Variants in FGF12 observed in about 807,000 individuals in gnomAD.
FGF12 encodes the protein fibroblast growth factor 12, also known as fibroblast growth factor 12B.
A neutral mutation model predicts 23.6 loss-of-function variants in FGF12; 14 were observed. The ratio of observed to expected loss-of-function variants is 0.59; its 90% CI spans 0.39 to 0.93. FGF12 has a LOEUF of 0.93. Ranked by LOEUF, FGF12 falls within the 40% of genes least tolerant of loss-of-function variation. FGF12 has a pLI of 0.00. For missense variants in FGF12, 175 were observed against 217.8 expected, an observed-to-expected ratio of 0.80 and a Z score of 1.24; for synonymous variants, 62 against 77.3, an observed-to-expected ratio of 0.80 and a Z score of 1.04.
intron 2 of FGF12, among the ~76,000 whole-genome samples, chr3:192,397,737 C>G (rs1232727582): frequency 6.6e-6 from 1 of 152,116 alleles, no homozygotes; most frequent in African/African-American, 2.4e-5. Context: ...GTGTAGACAG[C>G]TAGAGCTATT....
intron 4 of FGF12, among the ~76,000 whole-genome samples, chr3:192,329,988 T>C (rs1337649493): frequency 6.6e-6 from 1 of 152,198 alleles, no homozygotes; most frequent in Non-Finnish European, 1.5e-5. Context: ...TGTTATTTAA[T>C]ACCATTAAAA....
At chr3:192,637,190 C>T (rs1215711075) in intron 2 of FGF12, among the ~76,000 whole-genome samples, 1 of 152,188 alleles carries the variant, frequency 6.6e-6, no homozygotes, top group Non-Finnish European at 1.5e-5. Context: ...TTTATAATGA[C>T]ACTTCAGTGA....
intron 2 of FGF12, among the ~76,000 whole-genome samples, chr3:192,455,161 G>T (rs1003243599): frequency 6.6e-5 from 10 of 152,156 alleles, no homozygotes; most frequent in South Asian, 2.1e-4. Context: ...TTGGAAAGAA[G>T]AATAATATGA....
intron 2 of FGF12, among the ~76,000 whole-genome samples, chr3:192,616,475 A>G (rs1714758369): frequency 6.6e-6 from 1 of 152,056 alleles, no homozygotes. Flanking sequence ...TGTTTTTAAC[A>G]TCCAATAATT....
At chr3:192,674,685 A>T (rs530133947) in intron 2 of FGF12, among the ~76,000 whole-genome samples, 1 of 152,350 alleles carries the variant, frequency 6.6e-6, no homozygotes, top group South Asian at 2.1e-4. Flanking sequence ...AAAAATTCTC[A>T]AAGGTGAAAA....
At position 192,331,162 on chromosome 3, in the gene FGF12, A is replaced by C. The variant is rs191217288; in HGVS notation, c.228+4199T>G. 3.3e-5 allele frequency among the ~76,000 whole-genome samples: 5 copies of C among 152,252 alleles called. No individual in the cohort carries two copies. In the East Asian group the frequency reaches 7.7e-4, roughly 23 times the overall value. On this transcript the variant is annotated intron_variant, in intron 4 of 5. Transcript: ENST00000445105. ...AATGCAAATCAAAACAAAATGGGTT[A>C]TCATCTCACACCTGTTAGGATGGCC... is the stretch of plus-strand genomic sequence containing the variant.
At chr3:192,152,415 A>G (rs1185113527) in intron 5 of FGF12, among the ~76,000 whole-genome samples, 2 of 120,894 alleles carry the variant, frequency 1.7e-5, no homozygotes, top group African/African-American at 3.2e-5. Context: ...TAGGGTGTCA[A>G]TTTTGGATCT....
intron 2 of FGF12, among the ~76,000 whole-genome samples, chr3:192,684,420 G>A (rs1348526079): frequency 6.6e-6 from 1 of 151,994 alleles, no homozygotes; most frequent in African/African-American, 2.4e-5. Flanking sequence ...ACTGATCAGG[G>A]TTTGTTTTTT....
intron 3 of FGF12, among the ~76,000 whole-genome samples, chr3:192,350,653 A>T (rs1718177375): frequency 6.6e-6 from 1 of 152,154 alleles, no homozygotes; most frequent in African/African-American, 2.4e-5. Flanking sequence ...TTCAGGCAAG[A>T]ACATGGTTGG....
chr3:192,343,231 A>G (rs1717786315), intron 3 of FGF12, among the ~76,000 whole-genome samples: 1 of 152,180 alleles, frequency 6.6e-6, no homozygotes, highest in African/African-American at 2.4e-5. Flanking sequence ...CCCATGTGGA[A>G]CATACTGAGA....
At chr3:192,523,069 G>A (rs1332616330) in intron 2 of FGF12, among the ~76,000 whole-genome samples, 1 of 152,070 alleles carries the variant, frequency 6.6e-6, no homozygotes, top group Non-Finnish European at 1.5e-5. Flanking sequence ...ACAAAAATCA[G>A]TTATATAAAT....
intron 2 of FGF12, among the ~76,000 whole-genome samples, chr3:192,509,855 A>G (rs575131215): frequency 3.3e-5 from 5 of 152,224 alleles, no homozygotes; most frequent in Non-Finnish European, 7.3e-5. Context: ...AGGCTTCAAC[A>G]TAGCTCAGTA....
chr3:192,228,478 T>A (rs1163379477), intron 4 of FGF12, among the ~76,000 whole-genome samples: 1 of 152,112 alleles, frequency 6.6e-6, no homozygotes, highest in Non-Finnish European at 1.5e-5. Flanking sequence ...ACAACAGTGT[T>A]TTATCTATGT....
intron 4 of FGF12, among the ~76,000 whole-genome samples, chr3:192,242,727 C>G (rs1009917812): frequency 4.6e-5 from 7 of 151,900 alleles, no homozygotes; most frequent in African/African-American, 1.7e-4. Context: ...AAGTTAAAAC[C>G]AGTCCTTACT....
intron 2 of FGF12, among the ~76,000 whole-genome samples, chr3:192,421,317 G>A (rs1290669658): frequency 6.6e-6 from 1 of 151,918 alleles, no homozygotes; most frequent in African/African-American, 2.4e-5. Flanking sequence ...GATTACTTTT[G>A]GAAGGGTTCT....
intron 2 of FGF12, among the ~76,000 whole-genome samples, chr3:192,555,296 G>T (rs1711713583): frequency 6.6e-6 from 1 of 152,162 alleles, no homozygotes; most frequent in South Asian, 2.1e-4. Context: ...CAGCAAAAGA[G>T]AAAGTGACTT....
chr3:192,407,853 G>T (rs1721026803), intron 2 of FGF12, among the ~76,000 whole-genome samples: 1 of 152,218 alleles, frequency 6.6e-6, no homozygotes, highest in African/African-American at 2.4e-5. Flanking sequence ...TGAATATGGG[G>T]CAAGAAGCTA....
rs1050949048 is a variant in FGF12, at chr3:192,612,390, C to G, written c.13+114791G>C. Among the ~76,000 whole-genome samples, 3 of 151,858 alleles carry G rather than the reference C, an allele frequency of 2.0e-5. No individual in the cohort carries two copies. In the South Asian group the frequency reaches 6.2e-4, roughly 32 times the overall value. On this transcript the variant is annotated intron_variant, in intron 2 of 5. Transcript: ENST00000445105. Reference sequence around the variant, plus strand: ...GAAACGAAGTTTTGCTTTATTATGCCGAACTGGGATCTATAACACACATCT... The same window carrying G: ...GAAACGAAGTTTTGCTTTATTATGCGGAACTGGGATCTATAACACACATCT...
chr3:192,314,258 G>A (rs987137881), intron 4 of FGF12, among the ~76,000 whole-genome samples: 2 of 151,432 alleles, frequency 1.3e-5, no homozygotes, highest in African/African-American at 4.9e-5. Flanking sequence ...ACATGGTAAA[G>A]TATATTGCTT....
Sources: allele counts gnomAD v4.1 joint callset (sites outside exome capture counted in the v4.1 genomes callset), GRCh38; gene constraint gnomAD v4.1.1; transcripts MANE v1.5; gene names NCBI Gene and HGNC (gene_info 2026-07-23, HGNC 2026-07-21).